Variants in SYT16 observed in about 807,000 individuals in gnomAD.
SYT16 encodes synaptotagmin 16, also known as synaptotagmin-16.
In SYT16, 42 loss-of-function variants were observed where a neutral mutation model predicts 61.4. That is an observed-to-expected ratio of 0.68 (90% CI 0.53 to 0.89). The LOEUF (loss-of-function observed/expected upper bound fraction) is 0.89, where lower values mean the gene tolerates loss of function less well. Ranked by LOEUF, SYT16 falls within the 40% of genes least tolerant of loss-of-function variation. The pLI, the probability that SYT16 is intolerant of heterozygous loss-of-function variation, is 0.00. For synonymous variants in SYT16, 314 were observed against 302.3 expected, an observed-to-expected ratio of 1.04 and a Z score of -0.40; for missense variants, 804 against 807.3, an observed-to-expected ratio of 1.00 and a Z score of 0.05.
intron 3 of SYT16, among the ~76,000 whole-genome samples, chr14:62,017,778 T>C (rs2053750055): frequency 6.6e-6 from 1 of 151,878 alleles, no homozygotes; most frequent in Admixed American, 6.6e-5. Flanking sequence ...TGGAGTGCAG[T>C]GGTGCGGTCA....
At chr14:62,020,088 A>C (rs2053853066) in intron 3 of SYT16, among the ~76,000 whole-genome samples, 1 of 152,210 alleles carries the variant, frequency 6.6e-6, no homozygotes, top group Non-Finnish European at 1.5e-5. Flanking sequence ...CACTTCATAA[A>C]TCACATGTAG....
intron 7 of SYT16, among the ~76,000 whole-genome samples, chr14:62,098,416 T>C (rs910038947): frequency 6.6e-6 from 1 of 152,190 alleles, no homozygotes; most frequent in Non-Finnish European, 1.5e-5. Flanking sequence ...AAAAATGTGA[T>C]TGAGGAGATA....
At chr14:61,882,679 A>G (rs2047743659) in intron 1 of SYT16, among the ~76,000 whole-genome samples, 1 of 152,180 alleles carries the variant, frequency 6.6e-6, no homozygotes, top group South Asian at 2.1e-4. Context: ...ATCTTAGCTC[A>G]TTCCAGCATT....
intron 2 of SYT16, among the ~76,000 whole-genome samples, chr14:61,977,590 G>T (rs966852034): frequency 1.3e-5 from 2 of 152,130 alleles, no homozygotes; most frequent in African/African-American, 4.8e-5. Flanking sequence ...CCATGTTTCA[G>T]TTACCTCCAC....
chr14:62,009,686 C>A (rs1465494209), intron 3 of SYT16, among the ~76,000 whole-genome samples: 1 of 152,134 alleles, frequency 6.6e-6, no homozygotes, highest in Admixed American at 6.5e-5. Flanking sequence ...CTTACTGATT[C>A]CTGTTTTACT....
chr14:61,960,011 T>C (rs1004222165), intron 1 of SYT16, among the ~76,000 whole-genome samples: 1 of 152,182 alleles, frequency 6.6e-6, no homozygotes, highest in African/African-American at 2.4e-5. Flanking sequence ...TTTAAATTTT[T>C]TGTAGAGATG....
At chr14:62,091,401 A>G (rs1324096492) in intron 7 of SYT16, among the ~76,000 whole-genome samples, 2 of 152,248 alleles carry the variant, frequency 1.3e-5, no homozygotes, top group Non-Finnish European at 2.9e-5. Context: ...AAGAATGAAC[A>G]AATAAATTGG....
At chr14:62,051,456 A>G (rs974696815) in intron 3 of SYT16, among the ~76,000 whole-genome samples, 3 of 152,116 alleles carry the variant, frequency 2.0e-5, no homozygotes, top group African/African-American at 2.4e-5. Flanking sequence ...TGGCTCATGT[A>G]CGGTGCGCTG....
rs1467683517 is a variant in SYT16, at chr14:62,105,141, A to G, written c.*4434A>G. ...GGAAATTGAGCCTTAATAGAGTCCA[A>G]CTGTGGTAGAACCAAGTCTTTGCAT... On this transcript the variant is annotated 3_prime_UTR_variant, in exon 8 of 8. Transcript: ENST00000683842. 3 of 152,146 alleles carry G rather than the reference A, an allele frequency of 2.0e-5. No individual in the cohort carries two copies. Among genetic ancestry groups the G allele is most frequent in the African/African-American group, 7.2e-5 (3 of 41,448 alleles). The allele number at this position is 152,146 out of a possible 1,614,324, so 9.4% of individuals were successfully genotyped here.
intron 3 of SYT16, among the ~76,000 whole-genome samples, chr14:62,014,709 C>T (rs979856778): frequency 5.3e-5 from 8 of 152,246 alleles, no homozygotes; most frequent in Admixed American, 4.6e-4. Flanking sequence ...GCTGGGATTA[C>T]AGGCACGAGC....
At chr14:61,946,782 G>A (rs1412439894) in intron 1 of SYT16, among the ~76,000 whole-genome samples, 1 of 152,102 alleles carries the variant, frequency 6.6e-6, no homozygotes, top group Non-Finnish European at 1.5e-5. Context: ...AGTAAAATTG[G>A]GAGTTGCAAC....
Position 62,089,182 on chromosome 14 carries a change from G to A in SYT16, c.1624+4797G>A, listed in dbSNP as rs1427911479. 3.9e-5 allele frequency among the ~76,000 whole-genome samples: 6 copies of A among 152,184 alleles called. No homozygotes were observed. The East Asian group carries it at 1.2e-3, about 29-fold the overall frequency. The stretch of plus-strand genomic sequence containing the variant: ...AAAATACAAAAAATTAGCCAGGCAT[G>A]GTGGCAGGTGCCTGTAATCCCAGCT... On this transcript the variant is annotated intron_variant, in intron 7 of 7. Coordinates refer to ENST00000683842, the MANE Select transcript of SYT16 (RefSeq NM_001367656.1).
At position 62,100,381 on chromosome 14, in the gene SYT16, T is replaced by A. The variant is rs2057391117; in HGVS notation, c.1625-13T>A. 2 of 1,561,396 alleles carry A rather than the reference T, an allele frequency of 1.3e-6. No homozygotes were observed. Among genetic ancestry groups the A allele is most frequent in the South Asian group, 2.4e-5 (2 of 82,482 alleles). ...CTTATCATCCCCACCCCACCCTTTT[T>A]TTTTTGTCTTAGATACATATGGAAA... is the stretch of plus-strand genomic sequence containing the variant. On this transcript the variant is annotated splice_polypyrimidine_tract_variant and intron_variant, in intron 7 of 7. Transcript: ENST00000683842.
intron 1 of SYT16, among the ~76,000 whole-genome samples, chr14:61,899,289 C>G (rs1439864712): frequency 6.6e-6 from 1 of 152,146 alleles, no homozygotes; most frequent in African/African-American, 2.4e-5. Context: ...TACCCTGAAA[C>G]TTGAGGGTCA....
chr14:61,832,334 C>T (rs1174598905), intron 1 of SYT16: 2 of 580,260 alleles, frequency 3.4e-6, no homozygotes, highest in African/African-American at 1.9e-5. Context: ...AAATTGCTCG[C>T]TTGCCAACTA....
intron 5 of SYT16, among the ~76,000 whole-genome samples, chr14:62,075,614 AAAAAAG>A (rs1257204197): frequency 7.9e-5 from 9 of 113,782 alleles, no homozygotes; most frequent in African/African-American, 3.0e-4. Flanking sequence ...TAAAAAAAAA[AAAAAAG>A]AAAAAAAGAA....
intron 1 of SYT16, among the ~76,000 whole-genome samples, chr14:61,834,849 C>T (rs2046074457): frequency 6.6e-6 from 1 of 152,198 alleles, no homozygotes; most frequent in Non-Finnish European, 1.5e-5. Flanking sequence ...ATTAAACACA[C>T]TGCTGTATTC....
intron 1 of SYT16, among the ~76,000 whole-genome samples, chr14:61,938,938 C>T (rs1451550815): frequency 5.3e-5 from 8 of 152,178 alleles, no homozygotes; most frequent in Non-Finnish European, 1.0e-4. Context: ...AGCCCGAGAC[C>T]AGCCTGGCCA....
chr14:62,029,758 G>C (rs17099402), intron 3 of SYT16, among the ~76,000 whole-genome samples: 9,442 of 151,266 alleles, frequency 0.062, 523 homozygotes, highest in African/African-American at 0.16. Context: ...CTCTGACCTC[G>C]CTTTTGATGT....
Sources: allele counts gnomAD v4.1 joint callset (sites outside exome capture counted in the v4.1 genomes callset), GRCh38; gene constraint gnomAD v4.1.1; transcripts MANE v1.5; gene names NCBI Gene and HGNC (gene_info 2026-07-23, HGNC 2026-07-21).